The following JARID2 variants were observed in gnomAD, a reference collection of about 807,000 sequenced individuals.
The protein encoded by JARID2 is jumonji and AT-rich interaction domain containing 2, also known as protein Jumonji.
A neutral mutation model predicts 125.6 loss-of-function variants in JARID2; 21 were observed. The ratio of observed to expected loss-of-function variants is 0.17; its 90% CI spans 0.12 to 0.24. The LOEUF is 0.24. Ranked by LOEUF, JARID2 falls within the 10% of genes least tolerant of loss-of-function variation. The probability of loss-of-function intolerance (pLI) is 1.00; values close to 1 mark genes in which losing one functional copy is unlikely to be tolerated. For missense variants in JARID2, 1,303 were observed against 1,639.6 expected, an observed-to-expected ratio of 0.79 and a Z score of 3.55; for synonymous variants, 736 against 661.6, an observed-to-expected ratio of 1.11 and a Z score of -1.73.
Position 15,487,375 on chromosome 6 carries a change from A to G in JARID2, c.739A>G (p.Thr247Ala), listed in dbSNP as rs770596635. 2 of 1,614,120 alleles carry G rather than the reference A, an allele frequency of 1.2e-6. No homozygotes were observed. Among genetic ancestry groups the G allele is most frequent in the Non-Finnish European group, 1.7e-6 (2 of 1,180,026 alleles). ...PVQKHKSKEA[T>A]PAKEKHSDHR... ...TCAAAAACACAAAAGCAAAGAGGCC[A>G]CTCCCGCAAAGGAGAAGCACAGCGA... The change falls in exon 6 of 18, where the codon ACT becomes GCT. Residue 247 changes from threonine (T) to alanine (A), a missense_variant. Coordinates refer to ENST00000341776, the MANE Select transcript of JARID2 (RefSeq NM_004973.4).
chr6:15,413,200 G>GT, intron 3 of JARID2, among the ~76,000 whole-genome samples: 1 of 151,928 alleles, frequency 6.6e-6, no homozygotes, highest in South Asian at 2.1e-4. Flanking sequence ...TGTAGTTTTA[G>GT]TGGAGACAGG....
intron 1 of JARID2, among the ~76,000 whole-genome samples, chr6:15,276,498 T>G (rs758196438): frequency 6.6e-6 from 1 of 152,218 alleles, no homozygotes; most frequent in Admixed American, 6.5e-5. Flanking sequence ...GTAGGCTGTT[T>G]GGAGGTAAAA....
chr6:15,509,430 G>A (rs1018068236), intron 12 of JARID2: 1 of 867,994 alleles, frequency 1.2e-6, no homozygotes, highest in Admixed American at 6.2e-5. Context: ...TGGCTGTTCT[G>A]GTGAGTGGTG....
intron 2 of JARID2, among the ~76,000 whole-genome samples, chr6:15,403,602 A>G (rs1284760811): frequency 6.6e-6 from 1 of 152,214 alleles, no homozygotes; most frequent in Admixed American, 6.5e-5. Context: ...GGATAGAGTC[A>G]GACATTTTCC....
rs79374632 is a variant in JARID2 at position 15,412,946 on chromosome 6, G to T, written c.323+2581G>T. Among the ~76,000 whole-genome samples the T allele has an allele frequency of 7.7e-3, 1,095 of 142,836 alleles. 14 individuals carry two copies. The highest frequency in any genetic ancestry group is 0.027 in the African/African-American group (1,041 of 38,798). The allele number at this position is 142,836 out of a possible 152,430, so 93.7% of individuals were successfully genotyped here. On this transcript the variant is annotated intron_variant, in intron 3 of 17. Coordinates refer to ENST00000341776, the MANE Select transcript of JARID2 (RefSeq NM_004973.4). ...TTAGTGGATTGTTAAACAGATGCTGGTTTTTTTACTTGCGAGTTTTAAATT... is the reference window on the plus strand; with the variant it reads ...TTAGTGGATTGTTAAACAGATGCTGTTTTTTTTACTTGCGAGTTTTAAATT...
At chr6:15,397,276 G>T (rs973234719) in intron 2 of JARID2, among the ~76,000 whole-genome samples, 2 of 151,988 alleles carry the variant, frequency 1.3e-5, no homozygotes, top group African/African-American at 4.8e-5. Flanking sequence ...TCAATACTAC[G>T]TAATTTCATC....
At chr6:15,435,042 G>T (rs1053390507) in intron 3 of JARID2, among the ~76,000 whole-genome samples, 2 of 152,192 alleles carry the variant, frequency 1.3e-5, no homozygotes, top group Non-Finnish European at 2.9e-5. Flanking sequence ...TAGTTTCAGT[G>T]TTCACTGTTT....
At chr6:15,419,943 T>C (rs1008748980) in intron 3 of JARID2, among the ~76,000 whole-genome samples, 1 of 152,246 alleles carries the variant, frequency 6.6e-6, no homozygotes, top group Non-Finnish European at 1.5e-5. Context: ...AATATTTTCG[T>C]GTGCATTCGT....
At chr6:15,420,831 T>G (rs1178024720) in intron 3 of JARID2, among the ~76,000 whole-genome samples, 3 of 152,222 alleles carry the variant, frequency 2.0e-5, no homozygotes, top group Non-Finnish European at 4.4e-5. Flanking sequence ...CCCTTACGAG[T>G]ATTTTACTTG....
intron 1 of JARID2, among the ~76,000 whole-genome samples, chr6:15,258,939 A>T (rs996082091): frequency 6.6e-6 from 1 of 152,230 alleles, no homozygotes; most frequent in Non-Finnish European, 1.5e-5. Flanking sequence ...CAGTTGTTCG[A>T]GGAAGAGGAT....
chr6:15,497,971 TAGA>T (rs1343557272), intron 7 of JARID2, among the ~76,000 whole-genome samples: 2 of 152,294 alleles, frequency 1.3e-5, no homozygotes, highest in East Asian at 3.9e-4. Context: ...CTCCTCTCCT[TAGA>T]AGGACATTGG....
intron 6 of JARID2, among the ~76,000 whole-genome samples, chr6:15,487,780 G>A (rs967664600): frequency 3.3e-5 from 5 of 152,206 alleles, no homozygotes; most frequent in African/African-American, 1.2e-4. Context: ...CACCAAGAAA[G>A]TGAACTCACT....
chr6:15,404,379 T>C lies in JARID2; in HGVS notation c.182-5845T>C, dbSNP rs559101642. ...CTGCTTAAAAAGCAATTCATTTTTT[T>C]TTCTCTTTGCAAAACTTGAGTGAAC... On this transcript the variant is annotated intron_variant, in intron 2 of 17. Transcript: ENST00000341776. Among the ~76,000 whole-genome samples the C allele has an allele frequency of 3.3e-5, 5 of 152,344 alleles. No individual in the cohort carries two copies. The South Asian group carries it at 1.0e-3, about 32-fold the overall frequency.
At chr6:15,380,954 C>G (rs1764558387) in intron 2 of JARID2, among the ~76,000 whole-genome samples, 1 of 152,078 alleles carries the variant, frequency 6.6e-6, no homozygotes, top group Admixed American at 6.5e-5. Context: ...GAACACCTGT[C>G]CCTTCTGTTT....
At chr6:15,289,143 A>C (rs1761109472) in intron 1 of JARID2, among the ~76,000 whole-genome samples, 1 of 152,184 alleles carries the variant, frequency 6.6e-6, no homozygotes, top group South Asian at 2.1e-4. Context: ...TGAAGAAGTG[A>C]ATATGATTTC....
intron 1 of JARID2, among the ~76,000 whole-genome samples, chr6:15,331,229 G>A (rs1032235464): frequency 1.3e-5 from 2 of 151,996 alleles, no homozygotes; most frequent in African/African-American, 2.4e-5. Flanking sequence ...AACTAGTTGG[G>A]TGTCTGAGGT....
At chr6:15,301,224 A>G (rs1761612759) in intron 1 of JARID2, among the ~76,000 whole-genome samples, 1 of 152,202 alleles carries the variant, frequency 6.6e-6, no homozygotes, top group South Asian at 2.1e-4. Context: ...GAGTTAGCAA[A>G]TGGGAACTTG....
intron 3 of JARID2, among the ~76,000 whole-genome samples, chr6:15,428,517 C>A (rs1039841128): frequency 9.9e-5 from 15 of 152,146 alleles, no homozygotes; most frequent in African/African-American, 3.4e-4. Context: ...GAGAACATGC[C>A]ATATTTGGTT....
At chr6:15,325,751 T>A (rs1359925897) in intron 1 of JARID2, among the ~76,000 whole-genome samples, 3 of 152,174 alleles carry the variant, frequency 2.0e-5, no homozygotes, top group Non-Finnish European at 4.4e-5. Context: ...AGGCGAAAAG[T>A]AGTACCATGG....
Sources: allele counts gnomAD v4.1 joint callset (sites outside exome capture counted in the v4.1 genomes callset), GRCh38; gene constraint gnomAD v4.1.1; transcripts MANE v1.5; gene names NCBI Gene and HGNC (gene_info 2026-07-23, HGNC 2026-07-21).